KTI12: variants seen among roughly 807,000 people sequenced by gnomAD.
KTI12 encodes KTI12 chromatin associated homolog, also known as protein KTI12 homolog.
KTI12 carries 8 observed loss-of-function variants against 8.8 expected under a neutral mutation model. That is an observed-to-expected ratio of 0.91 (90% CI 0.53 to 1.64). KTI12 has a LOEUF of 1.64. KTI12 is among the 40% of genes most tolerant of loss of function. The pLI is 0.00. For synonymous variants in KTI12, 216 were observed against 220.1 expected (o/e 0.98, Z 0.17); for missense variants, 490 against 492.1 (o/e 1.00, Z 0.04).
chr1:52,032,203 A>G lies in KTI12; in HGVS notation c.*494T>C, dbSNP rs1310035462. 2.0e-6 allele frequency: 2 copies of G among 985,464 alleles called. No homozygotes were observed. 61.0% of individuals were successfully genotyped at this position (985,464 alleles called of 1,614,324 possible). On this transcript the variant is annotated 3_prime_UTR_variant, in exon 1 of 1. Transcript: ENST00000371614. ...CTCAAGGATACAAACCAATGGATTT[A>G]TCTGTGAACTCGGTCCCAGAATAGA...
At position 52,033,323 on chromosome 1, in the gene KTI12, C is replaced by G; in HGVS notation, c.439G>C (p.Ala147Pro). Residue 147 changes from alanine (A) to proline (P), a missense_variant, in exon 1 of 1, where the codon GCG becomes CCG. Ala to Pro is a conservative substitution (Grantham distance 27). Transcript: ENST00000371614. ...RAEEDGRAQA[A>P]GSSVLRELHT... ...AGTTCCCTGAGGACGCTGCTGCCCGCCGCCTGGGCTCTCCCGTCCTCCTCA... is the reference window on the plus strand; with the variant it reads ...AGTTCCCTGAGGACGCTGCTGCCCGGCGCCTGGGCTCTCCCGTCCTCCTCA... The G allele has an allele frequency of 6.2e-7, 1 of 1,613,888 alleles. No homozygotes were observed. The highest frequency in any genetic ancestry group is 8.5e-7 in the Non-Finnish European group (1 of 1,179,994).
At position 52,033,086 on chromosome 1, in the gene KTI12, C is replaced by A; in HGVS notation, c.676G>T (p.Asp226Tyr). ...CCCACCAAAGTGAATAAAGGCCGGT[C>A]CCAGCGATTCCGAGAATCGGGAGCC... ...FEAPDSRNRW[D>Y]RPLFTLVGLE... Residue 226 changes from aspartate to tyrosine, a missense_variant, in exon 1 of 1, where the codon GAC (aspartate) becomes TAC (tyrosine). Asp to Tyr is a radical substitution (Grantham distance 160). Transcript: ENST00000371614. 6.2e-7 allele frequency: 1 copy of A among 1,609,578 alleles called. No individual in the cohort carries two copies. Among genetic ancestry groups the A allele is most frequent in the Non-Finnish European group, 8.5e-7 (1 of 1,178,322 alleles).
rs142102805 is a variant in KTI12, at chr1:52,032,612, C to T, written c.*85G>A. 1,378 of 1,515,798 alleles carry T rather than the reference C, an allele frequency of 9.1e-4. No homozygotes were observed. Among genetic ancestry groups the T allele is most frequent in the Non-Finnish European group, 1.1e-3 (1,299 of 1,136,246 alleles). The allele number at this position is 1,515,798 out of a possible 1,614,324, so 93.9% of individuals were successfully genotyped here. A position where few individuals can be genotyped will look rare whatever the true frequency, so the allele number is the denominator to read the frequency against. ...TCTAGTACAGTACTGCATCGATATG[C>T]TCTGGAGACCTGCAGCCTATTTTTC... On this transcript the variant is annotated 3_prime_UTR_variant, in exon 1 of 1. Transcript: ENST00000371614.
chr1:52,033,256 T>C lies in KTI12; in HGVS notation c.506A>G (p.Asp169Gly). 1 of 1,613,980 alleles carries C rather than the reference T, an allele frequency of 6.2e-7. No homozygotes were observed. The highest frequency in any genetic ancestry group is 8.5e-7 in the Non-Finnish European group (1 of 1,179,962). The change falls in exon 1 of 1, where the codon GAC becomes GGC. Residue 169 changes from aspartate (D) to glycine (G), a missense_variant. Coordinates refer to ENST00000371614, the MANE Select transcript of KTI12 (RefSeq NM_138417.3). ...TTCTCGCTCCAGTTCCTTGGGTACG[T>C]CGGCCTGGGCACTTCCATTTACTAC... ...DSVVNGSAQADVPKELEREES... is the reference protein window; with the variant it reads ...DSVVNGSAQAGVPKELEREES...
chr1:52,032,565 T>C lies in KTI12; in HGVS notation c.*132A>G. 1 of 1,412,346 alleles carries C rather than the reference T, an allele frequency of 7.1e-7. No individual in the cohort carries two copies. The highest frequency in any genetic ancestry group is 9.2e-7 in the Non-Finnish European group (1 of 1,086,682). The allele number at this position is 1,412,346 out of a possible 1,614,324, so 87.5% of individuals were successfully genotyped here. Reference sequence around the variant, plus strand: ...TGGCACAGGGGTATGCAGGAAAGTTTGAGTGAATCAGTCACAACAGCTCTA... The same window carrying C: ...TGGCACAGGGGTATGCAGGAAAGTTCGAGTGAATCAGTCACAACAGCTCTA... On this transcript the variant is annotated 3_prime_UTR_variant, in exon 1 of 1. Coordinates refer to ENST00000371614, the MANE Select transcript of KTI12 (RefSeq NM_138417.3).
At position 52,032,595 on chromosome 1, in the gene KTI12, A is replaced by T; in HGVS notation, c.*102T>A. ...GAATCAGTCACAACAGCTCTAGTAC[A>T]GTACTGCATCGATATGCTCTGGAGA... On this transcript the variant is annotated 3_prime_UTR_variant, in exon 1 of 1. Transcript: ENST00000371614. 6.7e-7 allele frequency: 1 copy of T among 1,484,984 alleles called. No individual in the cohort carries two copies. The highest frequency in any genetic ancestry group is 8.9e-7 in the Non-Finnish European group (1 of 1,121,334). The allele number at this position is 1,484,984 out of a possible 1,614,324, so 92.0% of individuals were successfully genotyped here.
Position 52,033,629 on chromosome 1 carries a change from C to T in KTI12, c.133G>A (p.Asp45Asn), listed in dbSNP as rs1481833186. ...GCAGAATCGCCGTACACCGCTGGGTCCTCTGCGCCCAGGACAGCTGCGTCG... is the reference window on the plus strand; with the variant it reads ...GCAGAATCGCCGTACACCGCTGGGTTCTCTGCGCCCAGGACAGCTGCGTCG... ...VDDAAVLGAE[D>N]PAVYGDSARE... The change falls in exon 1 of 1, where the codon GAC (aspartate) becomes AAC (asparagine). Residue 45 changes from aspartate (D) to asparagine (N), a missense_variant. By Grantham distance (23) the Asp-to-Asn change is conservative. Coordinates refer to ENST00000371614, the MANE Select transcript of KTI12 (RefSeq NM_138417.3). 2 of 1,612,200 alleles carry T rather than the reference C, an allele frequency of 1.2e-6. No homozygotes were observed.
Position 52,032,631 on chromosome 1 carries a change from A to ATT in KTI12, c.*64_*65dup. On this transcript the variant is annotated 3_prime_UTR_variant, in exon 1 of 1. Transcript: ENST00000371614. The stretch of plus-strand genomic sequence containing the variant: ...GATATGCTCTGGAGACCTGCAGCCT[A>ATT]TTTTTCCCAGAGAAATAAAGTGGAG... 6.5e-7 allele frequency: 1 copy of ATT among 1,530,130 alleles called. No homozygotes were observed. The highest frequency in any genetic ancestry group is 8.8e-7 in the Non-Finnish European group (1 of 1,142,466). 94.8% of individuals were successfully genotyped at this position (1,530,130 alleles called of 1,614,324 possible). A position where few individuals can be genotyped will look rare whatever the true frequency, so the allele number is the denominator to read the frequency against.
At position 52,032,600 on chromosome 1, in the gene KTI12, T is replaced by C; in HGVS notation, c.*97A>G. 2 of 1,496,784 alleles carry C rather than the reference T, an allele frequency of 1.3e-6. No individual in the cohort carries two copies. The highest frequency in any genetic ancestry group is 2.3e-5 in the East Asian group (1 of 43,748). The allele number at this position is 1,496,784 out of a possible 1,614,324, so 92.7% of individuals were successfully genotyped here. ...AGTCACAACAGCTCTAGTACAGTAC[T>C]GCATCGATATGCTCTGGAGACCTGC... On this transcript the variant is annotated 3_prime_UTR_variant, in exon 1 of 1. Transcript: ENST00000371614.
chr1:52,033,662 C>T lies in KTI12; in HGVS notation c.100G>A (p.Val34Met). 5.0e-6 allele frequency: 8 copies of T among 1,611,276 alleles called. No homozygotes were observed. Among genetic ancestry groups the T allele is most frequent in the Admixed American group, 3.3e-5 (2 of 59,998 alleles). Reference sequence around the variant, plus strand: ...CCCAGGACAGCTGCGTCGTCCACCACGTACACCGCGCGGCCCTCGGCAGCC... The same window carrying T: ...CCCAGGACAGCTGCGTCGTCCACCATGTACACCGCGCGGCCCTCGGCAGCC... ...ALAAEGRAVY[V>M]VDDAAVLGAE... The change falls in exon 1 of 1, where the codon GTG becomes ATG. Residue 34 changes from valine to methionine, a missense_variant. Physicochemically the swap from Val to Met is conservative, Grantham distance 21. Transcript: ENST00000371614.
Position 52,033,714 on chromosome 1 carries a change from C to G in KTI12, c.48G>C (p.Arg16=). 6.2e-7 allele frequency: 1 copy of G among 1,610,372 alleles called. No individual in the cohort carries two copies. Among genetic ancestry groups the G allele is most frequent in the South Asian group, 1.1e-5 (1 of 90,918 alleles). ...FCGLPYSGKS[R]RAEELRVALA... is the part of the protein sequence containing the mutation. The stretch of plus-strand genomic sequence containing the variant: ...GCGCCACGCGCAACTCTTCAGCACG[C>G]CGGCTCTTGCCGCTGTACGGCAGCC... Residue 16 remains arginine, a synonymous_variant, in exon 1 of 1, where the codon CGG becomes CGC. Coordinates refer to ENST00000371614, the MANE Select transcript of KTI12 (RefSeq NM_138417.3).
chr1:52,033,023 C>A lies in KTI12; in HGVS notation c.739G>T (p.Ala247Ser), dbSNP rs772633658. The A allele has an allele frequency of 5.7e-6, 9 of 1,571,740 alleles. No homozygotes were observed. The highest frequency in any genetic ancestry group is 1.4e-5 in the African/African-American group (1 of 73,482). The change falls in exon 1 of 1, where the codon GCC (alanine) becomes TCC (serine). Residue 247 changes from alanine to serine, a missense_variant. Ala to Ser is a moderately conservative substitution (Grantham distance 99). Coordinates refer to ENST00000371614, the MANE Select transcript of KTI12 (RefSeq NM_138417.3). ...GGTGGGGCCCGGTTCTCAAACAGGG[C>A]AGAGCGGATCCCCGCCAGGGGCAAC... ...EPLPLAGIRS[A>S]LFENRAPPPH...
chr1:52,033,146 G>A lies in KTI12; in HGVS notation c.616C>T (p.Pro206Ser). 6 of 1,614,212 alleles carry A rather than the reference G, an allele frequency of 3.7e-6. No individual in the cohort carries two copies. Among genetic ancestry groups the A allele is most frequent in the South Asian group, 1.1e-5 (1 of 91,088 alleles). Reference protein sequence around the residue: ...AKHGSGAFYSPELLEALTLRF... With the variant: ...AKHGSGAFYSSELLEALTLRF... ...AGCGTTAGGGCCTCCAGGAGTTCGG[G>A]AGAGTAAAAGGCACCGGACCCATGC... is the stretch of plus-strand genomic sequence containing the variant. The change falls in exon 1 of 1, where the codon CCC (proline) becomes TCC (serine). Residue 206 changes from proline to serine, a missense_variant. By Grantham distance (74) the Pro-to-Ser change is moderately conservative. Transcript: ENST00000371614.
Position 52,032,627 on chromosome 1 carries a change from G to A in KTI12, c.*70C>T, listed in dbSNP as rs1329297064. On this transcript the variant is annotated 3_prime_UTR_variant, in exon 1 of 1. Coordinates refer to ENST00000371614, the MANE Select transcript of KTI12 (RefSeq NM_138417.3). ...CATCGATATGCTCTGGAGACCTGCAGCCTATTTTTCCCAGAGAAATAAAGT... is the reference window on the plus strand; with the variant it reads ...CATCGATATGCTCTGGAGACCTGCAACCTATTTTTCCCAGAGAAATAAAGT... The A allele has an allele frequency of 5.2e-6, 8 of 1,528,108 alleles. No individual in the cohort carries two copies. Among genetic ancestry groups the A allele is most frequent in the Middle Eastern group, 2.0e-4 (1 of 5,058 alleles). The allele number at this position is 1,528,108 out of a possible 1,614,324, so 94.7% of individuals were successfully genotyped here.
In KTI12 at chr1:52,032,781, C is replaced by T. The variant is rs753078607; in HGVS notation, c.981G>A (p.Ser327=). 3 of 1,614,114 alleles carry T rather than the reference C, an allele frequency of 1.9e-6. No homozygotes were observed. Among genetic ancestry groups the T allele is most frequent in the East Asian group, 2.2e-5 (1 of 44,882 alleles). The change falls in exon 1 of 1, where the codon TCG becomes TCA. Residue 327 remains serine, a synonymous_variant. Coordinates refer to ENST00000371614, the MANE Select transcript of KTI12 (RefSeq NM_138417.3). ...ELSRLRRQFI[S]YTKMHPNNEN... ...CATTGTTGGGATGCATTTTAGTGTA[C>T]GAAATAAACTGGCGACGAAGGCGAC... is the stretch of plus-strand genomic sequence containing the variant.
At position 52,032,659 on chromosome 1, in the gene KTI12, G is replaced by T. The variant is rs1284927872; in HGVS notation, c.*38C>A. The T allele has an allele frequency of 2.9e-5, 45 of 1,547,766 alleles. No homozygotes were observed. Among genetic ancestry groups the T allele is most frequent in the Admixed American group, 1.6e-4 (8 of 49,398 alleles). On this transcript the variant is annotated 3_prime_UTR_variant, in exon 1 of 1. Transcript: ENST00000371614. The stretch of plus-strand genomic sequence containing the variant: ...TTTCCCAGAGAAATAAAGTGGAGTG[G>T]AGATCAGAAGCCATGGCTTCCCCCC...
At position 52,032,821 on chromosome 1, in the gene KTI12, G is replaced by T. The variant is rs1685791398; in HGVS notation, c.941C>A (p.Thr314Asn). The T allele has an allele frequency of 1.2e-6, 2 of 1,614,058 alleles. No homozygotes were observed. Among genetic ancestry groups the T allele is most frequent in the African/African-American group, 2.7e-5 (2 of 74,942 alleles). The change falls in exon 1 of 1, where the codon ACC (threonine) becomes AAC (asparagine). Residue 314 changes from threonine (T) to asparagine (N), a missense_variant. Transcript: ENST00000371614. ...ACGAAGGCGACTCAGTTCTGCCATG[G>T]TCAAGGGCCGGGTAAACCGCAAGTG... The part of the protein sequence containing the change: ...TEHLRFTRPL[T>N]MAELSRLRRQ...
chr1:52,033,574 C>T lies in KTI12; in HGVS notation c.188G>A (p.Arg63Gln). ...ACTCAGGCGCCGTTCCACGGAGGCT[C>T]GCAGAGCTCCACGCAATGCCTTCTC... is the stretch of plus-strand genomic sequence containing the variant. ...AREKALRGAL[R>Q]ASVERRLSRH... The change falls in exon 1 of 1, where the codon CGA (arginine) becomes CAA (glutamine). Residue 63 changes from arginine (R) to glutamine (Q), a missense_variant. Transcript: ENST00000371614. 2.5e-6 allele frequency: 4 copies of T among 1,613,720 alleles called. No individual in the cohort carries two copies. Among genetic ancestry groups the T allele is most frequent in the Non-Finnish European group, 3.4e-6 (4 of 1,179,938 alleles).
chr1:52,032,965 G>A lies in KTI12; in HGVS notation c.797C>T (p.Ala266Val). Residue 266 changes from alanine (A) to valine (V), a missense_variant, in exon 1 of 1, where the codon GCC becomes GTC. Ala to Val is a moderately conservative substitution (Grantham distance 64). Transcript: ENST00000371614. ...CAACTGGTGCAGAAAGCTGCCGGAG[G>A]CGAGGGGCTGGGACTGCGTAGACTG... ...PHQSTQSQPL[A>V]SGSFLHQLDQ... is the part of the protein sequence containing the mutation. The A allele has an allele frequency of 6.3e-7, 1 of 1,584,666 alleles. No individual in the cohort carries two copies.
Sources: gnomAD v4.1 joint callset for allele counts on GRCh38, gnomAD v4.1.1 for gene constraint, MANE v1.5 for transcripts, NCBI Gene and HGNC (gene_info 2026-07-23, HGNC 2026-07-21) for gene names.